Variants in CDH23 observed in about 807,000 individuals in gnomAD.
The protein encoded by CDH23 is cadherin-23.
CDH23 carries 189 observed loss-of-function variants against 317.1 expected under a neutral mutation model. The observed-to-expected ratio is 0.60, with a 90% confidence interval of 0.53 to 0.67. The LOEUF (loss-of-function observed/expected upper bound fraction) is 0.67, where lower values mean the gene tolerates loss of function less well. Among genes scored for constraint, CDH23 ranks in the 30% least tolerant of loss-of-function variants. CDH23 has a pLI of 0.00. For synonymous variants in CDH23, 1,839 were observed against 1,876.8 expected (o/e 0.98, Z 0.52); for missense variants, 4,401 against 4,592.4 (o/e 0.96, Z 1.20).
Position 71,751,105 on chromosome 10 carries a change from TG to T in CDH23, c.4845+9187del. On this transcript the variant is annotated intron_variant, in intron 38 of 69. Transcript: ENST00000224721. The surrounding 1 kb of genome is among the most constrained non-coding windows in gnomAD (Gnocchi z 4.9). ...GTAGCATCCAGAGGGGTTGAGGGGC[TG>T]GGCTTCTGGGATGTCACAGTATCTG... 1 of 950,766 alleles carries T rather than the reference TG, an allele frequency of 1.1e-6. No individual in the cohort carries two copies. The highest frequency in any genetic ancestry group is 1.6e-6 in the Non-Finnish European group (1 of 643,060). 58.9% of individuals were successfully genotyped at this position (950,766 alleles called of 1,614,324 possible). A position where few individuals can be genotyped will look rare whatever the true frequency, so the allele number is the denominator to read the frequency against.
chr10:71,777,837 G>A lies in CDH23; in HGVS notation c.5003G>A (p.Gly1668Asp), dbSNP rs1840853854. The A allele has an allele frequency of 1.2e-6, 2 of 1,613,838 alleles. No homozygotes were observed. The highest frequency in any genetic ancestry group is 1.7e-6 in the Non-Finnish European group (2 of 1,179,838). Residue 1668 changes from glycine to aspartate, a missense_variant, in exon 39 of 70, where the codon GGC (glycine) becomes GAC (aspartate). Around this residue, in one of 3 missense-constraint regions of CDH23, gnomAD observed 3,068 missense variants for 3,203.3 expected, o/e 0.96. Coordinates refer to ENST00000224721, the MANE Select transcript of CDH23 (RefSeq NM_022124.6). ...CTGGACCTGGATGAGGGTCCCAACG[G>A]CACAGTCACCTATGCCATCGTCGCA... ...QALDLDEGPN[G>D]TVTYAIVAGN...
chr10:71,684,567 T>C (rs571882522), intron 18 of CDH23, among the ~76,000 whole-genome samples: 1 of 152,346 alleles, frequency 6.6e-6, no homozygotes, highest in African/African-American at 2.4e-5. Context: ...AACAACTTCC[T>C]CATCTGCAAA....
At position 71,646,514 on chromosome 10, in the gene CDH23, C is replaced by T. The variant is rs200997507; in HGVS notation, c.1346C>T (p.Thr449Ile). 1 of 1,613,994 alleles carries T rather than the reference C, an allele frequency of 6.2e-7. No individual in the cohort carries two copies. The highest frequency in any genetic ancestry group is 1.3e-5 in the African/African-American group (1 of 75,032). The change falls in exon 14 of 70, where the codon ACT (threonine) becomes ATT (isoleucine). Residue 449 changes from threonine (T) to isoleucine (I), a missense_variant. Thr to Ile is a moderately conservative substitution (Grantham distance 89). Coordinates refer to ENST00000224721, the MANE Select transcript of CDH23 (RefSeq NM_022124.6). ...DHVGYAKVKI[T>I]LINENDNRPI... is the part of the protein sequence containing the mutation. ...GTGGGCTATGCCAAGGTGAAGATCACTCTCATCAATGAAAATGACAACCGG... is the reference window on the plus strand; with the variant it reads ...GTGGGCTATGCCAAGGTGAAGATCATTCTCATCAATGAAAATGACAACCGG...
At chr10:71,407,980 C>T (rs963137736) in intron 1 of CDH23, among the ~76,000 whole-genome samples, 5 of 152,130 alleles carry the variant, frequency 3.3e-5, no homozygotes, top group South Asian at 2.1e-4. Context: ...AAATGAGTTG[C>T]GATAACCTAA....
At chr10:71,654,448 C>T (rs1412181608) in intron 14 of CDH23, among the ~76,000 whole-genome samples, 1 of 152,210 alleles carries the variant, frequency 6.6e-6, no homozygotes, top group African/African-American at 2.4e-5. Flanking sequence ...GAGCTTGCTT[C>T]AGTTCTTATT....
At chr10:71,761,682 G>A (rs1293145044) in intron 38 of CDH23, 3 of 1,613,918 alleles carry the variant, frequency 1.9e-6, no homozygotes, top group Admixed American at 3.3e-5. Context: ...CAGCAGTAGA[G>A]GCCGCTATCC....
At chr10:71,795,889 A>C (rs1589426251) in intron 48 of CDH23, 1 of 985,906 alleles carries the variant, frequency 1.0e-6, no homozygotes, top group Non-Finnish European at 1.2e-6. Context: ...TCTCTGCCTC[A>C]CCCCATTGCC....
chr10:71,719,091 A>G (rs1484098050), intron 28 of CDH23, among the ~76,000 whole-genome samples: 1 of 152,050 alleles, frequency 6.6e-6, no homozygotes, highest in African/African-American at 2.4e-5. Context: ...AAAATAAAAA[A>G]TAAAAAAAAA....
Position 71,790,271 on chromosome 10 carries a change from C to T in CDH23, c.5924-17C>T, listed in dbSNP as rs368960122. ...GGCTGGGTTGGTCTTGTGGTGACCCCTCTCCTTCTGGCCCAGGCACCCCTC... is the reference window on the plus strand; with the variant it reads ...GGCTGGGTTGGTCTTGTGGTGACCCTTCTCCTTCTGGCCCAGGCACCCCTC... On this transcript the variant is annotated splice_polypyrimidine_tract_variant and intron_variant, in intron 45 of 69. Coordinates refer to ENST00000224721, the MANE Select transcript of CDH23 (RefSeq NM_022124.6). The T allele has an allele frequency of 1.2e-6, 2 of 1,613,262 alleles. No individual in the cohort carries two copies. Among genetic ancestry groups the T allele is most frequent in the Non-Finnish European group, 1.7e-6 (2 of 1,179,660 alleles).
intron 16 of CDH23, among the ~76,000 whole-genome samples, chr10:71,678,458 C>T (rs1458264996): frequency 2.0e-5 from 3 of 152,154 alleles, no homozygotes; most frequent in Non-Finnish European, 2.9e-5. Flanking sequence ...TTTTAAATGT[C>T]CCCCCTTCCC....
intron 21 of CDH23, 145 bp downstream of exon 21, chr10:71,694,404 C>G: frequency 3.2e-6 from 2 of 633,058 alleles, no homozygotes; most frequent in Non-Finnish European, 5.6e-6. Flanking sequence ...CCATCAGCAG[C>G]AGAGGTCAGC....
chr10:71,799,746 A>T lies in CDH23; in HGVS notation c.7362+117A>T, dbSNP rs191443600. 192 of 1,392,476 alleles carry T rather than the reference A, an allele frequency of 1.4e-4. 3 individuals carry two copies. The South Asian group carries it at 2.2e-3, about 16-fold the overall frequency. 86.3% of individuals were successfully genotyped at this position (1,392,476 alleles called of 1,614,324 possible). On this transcript the variant is annotated intron_variant, in intron 52 of 69. Transcript: ENST00000224721. ...TGGGTCTTGTCGCCTGGACATCTGC[A>T]TCCCCAGAGGTTCTTTAGCCAAGTC...
Position 71,705,023 on chromosome 10 carries a change from C to T in CDH23, c.2846C>T (p.Thr949Ile), listed in dbSNP as rs377425731. 1 of 1,612,610 alleles carries T rather than the reference C, an allele frequency of 6.2e-7. No homozygotes were observed. Among genetic ancestry groups the T allele is most frequent in the African/African-American group, 1.3e-5 (1 of 74,932 alleles). Reference protein sequence around the residue: ...LINSSSGVVVTTTELDRERIA... With the variant: ...LINSSSGVVVITTELDRERIA... ...AACAGCAGCAGCGGCGTGGTGGTCA[C>T]CACCACCGAGCTGGACCGCGAGCGC... Residue 949 changes from threonine (T) to isoleucine (I), a missense_variant, in exon 25 of 70, where the codon ACC becomes ATC. Physicochemically the swap from Thr to Ile is moderately conservative, Grantham distance 89. Coordinates refer to ENST00000224721, the MANE Select transcript of CDH23 (RefSeq NM_022124.6).
intron 38 of CDH23, chr10:71,753,087 CAGGGA>C: frequency 6.6e-7 from 1 of 1,524,880 alleles, no homozygotes; most frequent in Middle Eastern, 1.7e-4. Flanking sequence ...AGATGCCCTG[CAGGGA>C]ACAGGAGCGA....
intron 6 of CDH23, among the ~76,000 whole-genome samples, chr10:71,545,934 T>C (rs1472170331): frequency 6.6e-6 from 1 of 152,088 alleles, no homozygotes; most frequent in Non-Finnish European, 1.5e-5. Flanking sequence ...CAGGAGGACA[T>C]CTGGGGTGGT....
chr10:71,551,594 G>A (rs1218189294), intron 6 of CDH23, among the ~76,000 whole-genome samples: 3 of 152,158 alleles, frequency 2.0e-5, no homozygotes, highest in Non-Finnish European at 4.4e-5. Context: ...TAACAGATGA[G>A]ACCATGGCCA....
intron 60 of CDH23, 65 bp downstream of exon 60, chr10:71,808,072 T>C: frequency 6.5e-7 from 1 of 1,540,264 alleles, no homozygotes; most frequent in Non-Finnish European, 8.8e-7. Context: ...TGGACTGTCA[T>C]CTGGGGGGAG....
chr10:71,473,348 G>A (rs541253972), intron 3 of CDH23, among the ~76,000 whole-genome samples: 17 of 152,230 alleles, frequency 1.1e-4, no homozygotes, highest in Non-Finnish European at 2.1e-4. Flanking sequence ...AAATGCCATG[G>A]AGGAATACCA....
At chr10:71,505,208 C>T (rs1292853910) in intron 3 of CDH23, among the ~76,000 whole-genome samples, 2 of 152,088 alleles carry the variant, frequency 1.3e-5, no homozygotes, top group African/African-American at 2.4e-5. Context: ...TTATTGTCAA[C>T]CAAGTTGCCA....
Sources: gnomAD v4.1 joint callset for allele counts (sites outside exome capture counted in the v4.1 genomes callset) on GRCh38, gnomAD v4.1.1 for gene constraint, gnomAD v4.1.1 regional missense constraint, Gnocchi (gnomAD v3.1) non-coding constraint, MANE v1.5 for transcripts, NCBI Gene and HGNC (gene_info 2026-07-23, HGNC 2026-07-21) for gene names.